RAB38: variants seen among roughly 807,000 people sequenced by gnomAD.
RAB38 encodes the protein ras-related protein Rab-38.
A neutral mutation model predicts 18.4 loss-of-function variants in RAB38; 15 were observed. That is an observed-to-expected ratio of 0.82 (90% CI 0.55 to 1.26). The LOEUF (loss-of-function observed/expected upper bound fraction) is 1.26. Ranked by LOEUF, RAB38 falls within the 50% of genes most tolerant of loss-of-function variation. The probability of loss-of-function intolerance (pLI) is 0.00; values close to 1 mark genes in which losing one functional copy is unlikely to be tolerated. For missense variants in RAB38, 294 were observed against 267.4 expected (o/e 1.10, Z -0.69); for synonymous variants, 101 against 104.4 (o/e 0.97, Z 0.20).
At chr11:88,073,529 C>T in the RAB38 span, among the ~76,000 whole-genome samples, 29 of 152,162 alleles carry the variant, frequency 1.9e-4, no homozygotes, top group South Asian at 2.7e-3. Flanking sequence ...AGGTAAATTA[C>T]GAAGAACCTC....
At chr11:87,885,773 T>TGTGGCC in the RAB38 span, among the ~76,000 whole-genome samples, 1 of 152,002 alleles carries the variant, frequency 6.6e-6, no homozygotes, top group Middle Eastern at 3.2e-3. Context: ...CCAGTTGCCT[T>TGTGGCC]GTGGCCTTGG....
intron 1 of RAB38, among the ~76,000 whole-genome samples, chr11:88,173,259 G>A (rs942112678): frequency 2.6e-5 from 4 of 152,156 alleles, no homozygotes; most frequent in Non-Finnish European, 1.5e-5. Context: ...AAAAATGGTA[G>A]CTAGTGTGAT....
chr11:87,822,293 G>A, the RAB38 span, among the ~76,000 whole-genome samples: 18 of 152,238 alleles, frequency 1.2e-4, no homozygotes, highest in African/African-American at 3.9e-4. Context: ...TGTCAGAGTG[G>A]ATTAAAACAA....
the RAB38 span, among the ~76,000 whole-genome samples, chr11:88,017,359 A>G: frequency 3.6e-4 from 26 of 71,326 alleles, no homozygotes; most frequent in Non-Finnish European, 5.0e-4. Context: ...TAATATATAG[A>G]CACATACACA....
At chr11:87,919,679 A>G in the RAB38 span, among the ~76,000 whole-genome samples, 4 of 152,056 alleles carry the variant, frequency 2.6e-5, no homozygotes, top group East Asian at 5.8e-4. Context: ...AAAGACTGGT[A>G]TTAGTTACTT....
chr11:88,052,919 TATATATATATATATA>T, the RAB38 span, among the ~76,000 whole-genome samples: 108 of 27,824 alleles, frequency 3.9e-3, 3 homozygotes, highest in Admixed American at 0.032. Context: ...TATATATATA[TATATATATATATATA>T]TATATATATA....
intron 2 of RAB38, among the ~76,000 whole-genome samples, chr11:88,130,257 C>T (rs1480556505): frequency 1.3e-5 from 2 of 152,068 alleles, no homozygotes; most frequent in African/African-American, 4.8e-5. Flanking sequence ...ACTACAGGAA[C>T]ATCTCAGGTA....
chr11:88,067,351 GAAA>G, the RAB38 span, among the ~76,000 whole-genome samples: 13 of 130,066 alleles, frequency 1.0e-4, no homozygotes, highest in Non-Finnish European at 1.7e-4. Context: ...TTTAGCAAAT[GAAA>G]AAAAAAAAAA....
At chr11:87,892,907 C>A in the RAB38 span, among the ~76,000 whole-genome samples, 2 of 151,652 alleles carry the variant, frequency 1.3e-5, no homozygotes, top group Non-Finnish European at 2.9e-5. Flanking sequence ...TATCATATTA[C>A]CTTTTTCATA....
chr11:88,005,692 C>G, the RAB38 span, among the ~76,000 whole-genome samples: 1 of 148,892 alleles, frequency 6.7e-6, no homozygotes, highest in Non-Finnish European at 1.5e-5. Flanking sequence ...TGTCTTGGAG[C>G]TTTTCCCTGT....
the RAB38 span, among the ~76,000 whole-genome samples, chr11:87,948,836 A>G: frequency 6.6e-6 from 1 of 151,926 alleles, no homozygotes; most frequent in Non-Finnish European, 1.5e-5. Context: ...CATCAAGGAT[A>G]TTGGTCTAAA....
the RAB38 span, among the ~76,000 whole-genome samples, chr11:87,893,925 G>T: frequency 6.6e-6 from 1 of 151,582 alleles, no homozygotes; most frequent in African/African-American, 2.4e-5. Flanking sequence ...ATGAATCTTA[G>T]GATTTTTTTG....
At chr11:88,010,085 A>G in the RAB38 span, among the ~76,000 whole-genome samples, 32 of 152,248 alleles carry the variant, frequency 2.1e-4, no homozygotes, top group South Asian at 1.0e-3. Flanking sequence ...CTCATCACAT[A>G]AGGTTAGGTG....
At chr11:88,093,135 T>C in the RAB38 span, among the ~76,000 whole-genome samples, 1 of 151,954 alleles carries the variant, frequency 6.6e-6, no homozygotes. Flanking sequence ...GATTGGCTTA[T>C]TGAGAAAGCA....
chr11:87,842,772 A>T, the RAB38 span, among the ~76,000 whole-genome samples: 1 of 151,710 alleles, frequency 6.6e-6, no homozygotes, highest in South Asian at 2.1e-4. Flanking sequence ...CCATGCGCAC[A>T]CATACACACA....
chr11:87,881,316 TAAAAG>T, the RAB38 span, among the ~76,000 whole-genome samples: 2 of 151,888 alleles, frequency 1.3e-5, no homozygotes, highest in South Asian at 2.1e-4. Context: ...GTTATTAACT[TAAAAG>T]AAAGATTCTA....
At chr11:88,108,017 G>T in the RAB38 span, among the ~76,000 whole-genome samples, 2 of 152,120 alleles carry the variant, frequency 1.3e-5, no homozygotes, top group African/African-American at 4.8e-5. Context: ...TTTTGCATTT[G>T]CTGAGGAGTG....
At chr11:88,155,121 T>C (rs1191844539) in intron 1 of RAB38, among the ~76,000 whole-genome samples, 3 of 152,222 alleles carry the variant, frequency 2.0e-5, no homozygotes, top group Non-Finnish European at 4.4e-5. Context: ...ACTTGGTAGC[T>C]GCCCCCCAGA....
At chr11:87,917,649 A>C in the RAB38 span, among the ~76,000 whole-genome samples, 1 of 151,322 alleles carries the variant, frequency 6.6e-6, no homozygotes, top group East Asian at 2.0e-4. Context: ...AGGAGAGAAC[A>C]TGCCTTAATG....
Sources: allele counts gnomAD v4.1 joint callset (sites outside exome capture counted in the v4.1 genomes callset), GRCh38; gene constraint gnomAD v4.1.1; transcripts MANE v1.5; gene names NCBI Gene and HGNC (gene_info 2026-07-23, HGNC 2026-07-21).